ACAD10: variants seen among roughly 807,000 people sequenced by gnomAD.
The protein encoded by ACAD10 is ACAD-10.
Under a neutral mutation model 116.8 loss-of-function variants are expected in ACAD10, and 112 were observed. The ratio of observed to expected loss-of-function variants is 0.96; its 90% CI spans 0.82 to 1.12. The LOEUF (loss-of-function observed/expected upper bound fraction) is 1.12, where lower values mean the gene tolerates loss of function less well. Among genes scored for constraint, ACAD10 ranks in the 50% most tolerant of loss-of-function variants. ACAD10 has a pLI of 0.00. For synonymous variants in ACAD10, 486 were observed against 510.6 expected, an observed-to-expected ratio of 0.95 and a Z score of 0.65; for missense variants, 1,259 against 1,350.2, an observed-to-expected ratio of 0.93 and a Z score of 1.06.
At chr12:111,702,043 A>G (rs1888362087) in intron 2 of ACAD10, 119 bp from the exon 3 acceptor site, 3 of 1,114,198 alleles carry the variant, frequency 2.7e-6, no homozygotes, top group Non-Finnish European at 2.6e-6. Context: ...CAAATTTCCA[A>G]CAGCATCCAC....
chr12:111,744,587 C>T, intron 12 of ACAD10, 56 bp from the exon 13 acceptor site: 1 of 1,554,670 alleles, frequency 6.4e-7, no homozygotes, highest in Non-Finnish European at 8.7e-7. Flanking sequence ...CACATGTTAA[C>T]ATCCCTATGA....
intron 12 of ACAD10, among the ~76,000 whole-genome samples, chr12:111,740,722 C>T (rs1189246021): frequency 5.8e-5 from 8 of 136,988 alleles, no homozygotes; most frequent in Middle Eastern, 7.7e-3. Flanking sequence ...TCAGAGGTTG[C>T]AGTGAGCCGA....
intron 11 of ACAD10, 28 bp downstream of exon 11, chr12:111,734,096 G>A (rs749256832): frequency 3.0e-5 from 49 of 1,613,628 alleles, no homozygotes; most frequent in Non-Finnish European, 3.9e-5. Context: ...AGGATAGTGG[G>A]GGAGCAAGCC....
intron 5 of ACAD10, chr12:111,710,025 T>C (rs1888627098): frequency 2.9e-6 from 1 of 340,584 alleles, no homozygotes; most frequent in African/African-American, 2.2e-5. Context: ...ATGCAGGCCA[T>C]GCAGCTCACT....
In ACAD10 at chr12:111,756,412, A is replaced by G; in HGVS notation, c.3119A>G (p.Asp1040Gly). ...TGGGCCCGAGCCCTGCGCTTTGCCG[A>G]CGGCCCTGACGAGGTGCACCGGGCC... ...FTWARALRFA[D>G]GPDEVHRATV... The change falls in exon 21 of 21, where the codon GAC (aspartate) becomes GGC (glycine). Residue 1040 changes from aspartate to glycine, a missense_variant. Physicochemically the swap from Asp to Gly is moderately conservative, Grantham distance 94 (BLOSUM62 -1). Coordinates refer to ENST00000313698, the MANE Select transcript of ACAD10 (RefSeq NM_025247.6). The G allele has an allele frequency of 1.2e-6, 2 of 1,612,540 alleles. No homozygotes were observed. Among genetic ancestry groups the G allele is most frequent in the Non-Finnish European group, 1.7e-6 (2 of 1,179,806 alleles).
In ACAD10 at chr12:111,746,145, A is replaced by T; in HGVS notation, c.2117A>T (p.Glu706Val). The stretch of plus-strand genomic sequence containing the variant: ...CCTGACTTATTTTCCCCATGATAGG[A>T]GAAAGCCAAAGCTGAAGGACTTTGG... Reference protein sequence around the residue: ...SPSPLIEDLKEKAKAEGLWNL... With the variant: ...SPSPLIEDLKVKAKAEGLWNL... The change falls in exon 14 of 21, where the codon GAG (glutamate) becomes GTG (valine). Residue 706 changes from glutamate (E) to valine (V), a missense_variant and splice_region_variant. Transcript: ENST00000313698. The T allele has an allele frequency of 6.2e-7, 1 of 1,607,270 alleles. No homozygotes were observed. Among genetic ancestry groups the T allele is most frequent in the Non-Finnish European group, 8.5e-7 (1 of 1,178,486 alleles).
intron 7 of ACAD10, among the ~76,000 whole-genome samples, chr12:111,721,463 G>A (rs766608472): frequency 6.6e-6 from 1 of 152,156 alleles, no homozygotes; most frequent in East Asian, 1.9e-4. Context: ...AGCTACTCAG[G>A]AGGCTGAGGC....
Position 111,692,819 on chromosome 12 carries a change from T to C in ACAD10, c.110T>C (p.Leu37Pro), listed in dbSNP as rs1333993066. The change falls in exon 2 of 21, where the codon CTT becomes CCT. Residue 37 changes from leucine (L) to proline (P), a missense_variant. Coordinates refer to ENST00000313698, the MANE Select transcript of ACAD10 (RefSeq NM_025247.6). ...RHQGSHRWTH[L>P]GGSTYRAVIF... is the part of the protein sequence containing the mutation. ...CAGGGGTCCCACCGATGGACACACC[T>C]TGGAGGCAGCACCTACAGAGCGGTG... The C allele has an allele frequency of 1.9e-6, 3 of 1,614,140 alleles. No individual in the cohort carries two copies. The South Asian group carries it at 3.3e-5, about 18-fold the overall frequency.
chr12:111,731,129 C>T (rs1006661829), intron 10 of ACAD10, among the ~76,000 whole-genome samples: 3 of 152,188 alleles, frequency 2.0e-5, no homozygotes, highest in Non-Finnish European at 4.4e-5. Context: ...TGATTGGCCT[C>T]TCTTCATTGG....
rs747745769 is a variant in ACAD10 at position 111,728,005 on chromosome 12, C to T, written c.1105C>T (p.Leu369Phe). 1 of 1,613,940 alleles carries T rather than the reference C, an allele frequency of 6.2e-7. No individual in the cohort carries two copies. The highest frequency in any genetic ancestry group is 1.1e-5 in the South Asian group (1 of 91,040). ...PFYVMEYCPG[L>F]IYKDPSLPGL... is the part of the protein sequence containing the mutation. ...CTATGTGATGGAGTACTGCCCAGGT[C>T]TCATCTACAAAGACCCTTCCCTGCC... Residue 369 changes from leucine to phenylalanine, a missense_variant, in exon 9 of 21, where the codon CTC becomes TTC. Coordinates refer to ENST00000313698, the MANE Select transcript of ACAD10 (RefSeq NM_025247.6).
intron 1 of ACAD10, among the ~76,000 whole-genome samples, chr12:111,689,153 C>T (rs906043975): frequency 1.3e-4 from 19 of 151,482 alleles, no homozygotes; most frequent in African/African-American, 4.6e-4. Flanking sequence ...ATCATGCCAC[C>T]GCATTCCAGC....
chr12:111,747,434 C>T, intron 16 of ACAD10, 49 bp downstream of exon 16: 1 of 1,605,136 alleles, frequency 6.2e-7, no homozygotes, highest in Non-Finnish European at 8.5e-7. Flanking sequence ...GGAGTCTGTG[C>T]TGTTAGGCGC....
At chr12:111,696,809 C>A (rs1888201199) in intron 2 of ACAD10, among the ~76,000 whole-genome samples, 1 of 152,156 alleles carries the variant, frequency 6.6e-6, no homozygotes, top group Non-Finnish European at 1.5e-5. Context: ...AGGCCGGGCA[C>A]AGTAGCTCAC....
At chr12:111,737,429 C>G (rs1048256978) in intron 12 of ACAD10, among the ~76,000 whole-genome samples, 2 of 152,134 alleles carry the variant, frequency 1.3e-5, no homozygotes, top group Non-Finnish European at 2.9e-5. Flanking sequence ...TCAAGTGATC[C>G]GTCTGCCTTG....
intron 8 of ACAD10, among the ~76,000 whole-genome samples, chr12:111,723,034 C>G (rs1248313414): frequency 6.7e-6 from 1 of 149,274 alleles, no homozygotes; most frequent in Non-Finnish European, 1.5e-5. Flanking sequence ...CCCCACCTCC[C>G]TCCCGGACGG....
intron 7 of ACAD10, among the ~76,000 whole-genome samples, chr12:111,718,357 T>C (rs991340210): frequency 2.0e-5 from 3 of 152,122 alleles, no homozygotes; most frequent in African/African-American, 7.2e-5. Flanking sequence ...CCTAGTGATA[T>C]CCTTTCTTTA....
chr12:111,749,876 G>A (rs1333790852), intron 18 of ACAD10: 1 of 150,218 alleles, frequency 6.7e-6, no homozygotes, highest in African/African-American at 2.5e-5. Context: ...CCGGGTTCAA[G>A]CAATTCTCCT....
chr12:111,705,124 A>G (rs570936632), intron 3 of ACAD10, among the ~76,000 whole-genome samples: 1 of 152,272 alleles, frequency 6.6e-6, no homozygotes, highest in African/African-American at 2.4e-5. Flanking sequence ...AAATTAAATT[A>G]CATATACTTC....
chr12:111,722,696 T>C lies in ACAD10; in HGVS notation c.1061+957T>C, dbSNP rs982062876. ...AGCACATGTTTCAGAGAGCACAGGG[T>C]TGGGGGCAAGGTCACAGATCAACAG... On this transcript the variant is annotated intron_variant, in intron 8 of 20. Coordinates refer to ENST00000313698, the MANE Select transcript of ACAD10 (RefSeq NM_025247.6). 4.6e-3 allele frequency among the ~76,000 whole-genome samples: 707 copies of C among 152,236 alleles called. 6 individuals carry two copies. The highest frequency in any genetic ancestry group is 0.016 in the African/African-American group (646 of 41,484).
Sources: gnomAD v4.1 joint callset for allele counts (sites outside exome capture counted in the v4.1 genomes callset) on GRCh38, gnomAD v4.1.1 for gene constraint, MANE v1.5 for transcripts, NCBI Gene and HGNC (gene_info 2026-07-23, HGNC 2026-07-21) for gene names.